Variants in MRM1 observed in about 807,000 individuals in gnomAD.
The protein encoded by MRM1 is mitochondrial rRNA methyltransferase 1.
A neutral mutation model predicts 25.0 loss-of-function variants in MRM1; 24 were observed. The ratio of observed to expected loss-of-function variants is 0.96; its 90% confidence interval spans 0.69 to 1.35. The LOEUF is 1.35. Ranked by LOEUF, MRM1 falls within the 40% of genes most tolerant of loss-of-function variation. The pLI is 0.00. For synonymous variants in MRM1, 188 were observed against 199.2 expected, an observed-to-expected ratio of 0.94 and a Z score of 0.47; for missense variants, 431 against 464.1, an observed-to-expected ratio of 0.93 and a Z score of 0.65.
intron 2 of MRM1, among the ~76,000 whole-genome samples, chr17:36,603,803 C>T (rs1401709811): frequency 1.3e-5 from 2 of 152,324 alleles, no homozygotes; most frequent in East Asian, 3.9e-4. Flanking sequence ...TTAATAGCCA[C>T]ATGTAGCTAG....
At chr17:36,609,217 C>T (rs1038604120), downstream of MRM1, among the ~76,000 whole-genome samples, 4 of 152,222 alleles carry the variant, frequency 2.6e-5, no homozygotes, top group African/African-American at 9.6e-5. Flanking sequence ...CACTCCTCCC[C>T]TCGGGTCCCA....
chr17:36,631,027 A>C, the MRM1 span, among the ~76,000 whole-genome samples: 1 of 152,214 alleles, frequency 6.6e-6, no homozygotes, highest in African/African-American at 2.4e-5. Context: ...CATCATCTGT[A>C]AGATGGGAAT....
At chr17:36,622,338 G>A in the MRM1 span, among the ~76,000 whole-genome samples, 10 of 152,236 alleles carry the variant, frequency 6.6e-5, no homozygotes, top group Middle Eastern at 3.4e-3. Context: ...TTGGGAGGCC[G>A]AGGTGTGTGG....
In MRM1 at chr17:36,602,167, C is replaced by G. The variant is rs1380775231; in HGVS notation, c.357C>G (p.Val119=). ...GCCGCTACCAGGTCCACCAGGGTGT[C>G]TGCATGGAGGTGAGCCCGCTGCGGC... ...TMCRYQVHQG[V]CMEVSPLRPR... The change falls in exon 1 of 5, where the codon GTC becomes GTG. Residue 119 remains valine (V), a synonymous_variant. Coordinates refer to ENST00000614766, the MANE Select transcript of MRM1 (RefSeq NM_024864.5). This position sits in a 1 kb window ranked among gnomAD's most constrained non-coding sequence, Gnocchi z 4.1. 1.9e-6 allele frequency: 3 copies of G among 1,612,942 alleles called. No individual in the cohort carries two copies. The highest frequency in any genetic ancestry group is 2.5e-6 in the Non-Finnish European group (3 of 1,179,524).
chr17:36,602,514 A>G lies in MRM1; in HGVS notation c.543-39A>G. On this transcript the variant is annotated intron_variant, in intron 1 of 4. Transcript: ENST00000614766. This position sits in a 1 kb window ranked among gnomAD's most constrained non-coding sequence, Gnocchi z 4.1. ...GGGAGGGTAGGGAGCCGGGCTTGAG[A>G]TGGCCCAGCCTAATGCGGGGAACGG... The G allele has an allele frequency of 6.2e-7, 1 of 1,612,782 alleles. No individual in the cohort carries two copies. Among genetic ancestry groups the G allele is most frequent in the Non-Finnish European group, 8.5e-7 (1 of 1,178,834 alleles).
the MRM1 span, among the ~76,000 whole-genome samples, chr17:36,620,659 A>G: frequency 2.0e-5 from 3 of 152,232 alleles, no homozygotes; most frequent in South Asian, 2.1e-4. Flanking sequence ...GATCCCTTCT[A>G]TGATTCCATA....
chr17:36,606,312 C>T (rs2074927411), intron 2 of MRM1, among the ~76,000 whole-genome samples: 1 of 152,150 alleles, frequency 6.6e-6, no homozygotes, highest in African/African-American at 2.4e-5. Flanking sequence ...GAACAGAGCC[C>T]ATGCTAGGTG....
At chr17:36,619,056 C>T in the MRM1 span, among the ~76,000 whole-genome samples, 2 of 152,196 alleles carry the variant, frequency 1.3e-5, no homozygotes, top group African/African-American at 4.8e-5. Flanking sequence ...GCTCCCCATC[C>T]ACCACCCAGC....
intron 2 of MRM1, 58 bp from the exon 3 acceptor site, chr17:36,607,612 C>A (rs1474190468): frequency 1.2e-5 from 18 of 1,554,196 alleles, no homozygotes; most frequent in Non-Finnish European, 1.6e-5. Flanking sequence ...GAGAGTAAGA[C>A]CCTATCTCAA....
At chr17:36,605,470 G>T (rs1396833927) in intron 2 of MRM1, among the ~76,000 whole-genome samples, 1 of 151,600 alleles carries the variant, frequency 6.6e-6, no homozygotes, top group East Asian at 1.9e-4. Flanking sequence ...CACCTCACCT[G>T]GTCCTGGATC....
chr17:36,627,375 C>T, the MRM1 span, among the ~76,000 whole-genome samples: 1 of 152,208 alleles, frequency 6.6e-6, no homozygotes, highest in African/African-American at 2.4e-5. Context: ...AGGATGATTA[C>T]CTTTCGGCAA....
At position 36,601,707 on chromosome 17, in the gene MRM1, G is replaced by A; in HGVS notation, c.-104G>A. 8.1e-7 allele frequency: 1 copy of A among 1,240,732 alleles called. No homozygotes were observed. The highest frequency in any genetic ancestry group is 1.1e-6 in the Non-Finnish European group (1 of 914,264). The allele number at this position is 1,240,732 out of a possible 1,614,324, so 76.9% of individuals were successfully genotyped here. On this transcript the variant is annotated 5_prime_UTR_variant, in exon 1 of 5. Transcript: ENST00000614766. ...AGAGCTCGGCGGAGACGGCTGTCGA[G>A]TACCCTTCACCTCGGTGTTGGGAGC... is the stretch of plus-strand genomic sequence containing the variant.
At chr17:36,628,956 A>AAG in the MRM1 span, among the ~76,000 whole-genome samples, 10 of 150,500 alleles carry the variant, frequency 6.6e-5, no homozygotes, top group Admixed American at 2.0e-4. Flanking sequence ...GAGAGAGAGA[A>AAG]AGAGAGAGAG....
At chr17:36,607,190 C>T (rs1250240398) in intron 2 of MRM1, among the ~76,000 whole-genome samples, 2 of 151,982 alleles carry the variant, frequency 1.3e-5, no homozygotes, top group African/African-American at 2.4e-5. Flanking sequence ...CTGGGGATTA[C>T]AGGCGTGAGC....
At chr17:36,610,905 C>T (rs1034586226), downstream of MRM1, among the ~76,000 whole-genome samples, 16 of 152,090 alleles carry the variant, frequency 1.1e-4, no homozygotes, top group African/African-American at 3.9e-4. Context: ...CCTCTGGCTC[C>T]TGGGTTCAAG....
downstream of MRM1, among the ~76,000 whole-genome samples, chr17:36,612,756 G>T (rs546543192): frequency 5.9e-5 from 9 of 152,214 alleles, no homozygotes; most frequent in Non-Finnish European, 1.3e-4. Flanking sequence ...AAATGGGGAT[G>T]ACAGTGGTGT....
chr17:36,619,600 G>A, the MRM1 span, among the ~76,000 whole-genome samples: 5 of 151,984 alleles, frequency 3.3e-5, no homozygotes, highest in Admixed American at 6.6e-5. Context: ...CCTAGGAGGC[G>A]GAGGTTGCAG....
chr17:36,605,338 TTTTTC>T (rs2074919669), intron 2 of MRM1, among the ~76,000 whole-genome samples: 1 of 120,930 alleles, frequency 8.3e-6, no homozygotes, highest in Non-Finnish European at 1.9e-5. Flanking sequence ...TTCTTTTTTC[TTTTTC>T]TTTTTTTTTT....
the MRM1 span, among the ~76,000 whole-genome samples, chr17:36,617,483 C>T: frequency 6.6e-6 from 1 of 151,546 alleles, no homozygotes; most frequent in Non-Finnish European, 1.5e-5. Flanking sequence ...ACCTCCGCCT[C>T]CCAGGTTCAA....
Sources: allele counts gnomAD v4.1 joint callset (sites outside exome capture counted in the v4.1 genomes callset), GRCh38; gene constraint gnomAD v4.1.1; non-coding constraint Gnocchi (gnomAD v3.1); transcripts MANE v1.5; gene names NCBI Gene and HGNC (gene_info 2026-07-23, HGNC 2026-07-21).